NLGN4X: variants seen among roughly 807,000 people sequenced by gnomAD.
NLGN4X encodes neuroligin 4 X-linked, also known as neuroligin-4, X-linked.
A neutral mutation model predicts 40.3 loss-of-function variants in NLGN4X; 3 were observed. The observed-to-expected ratio is 0.07, with a 90% confidence interval of 0.03 to 0.19. The LOEUF is 0.19. NLGN4X is among the 10% of genes least tolerant of loss of function. NLGN4X has a pLI of 1.00. For missense variants in NLGN4X, 382 were observed against 708.3 expected (o/e 0.54, Z 5.23); for synonymous variants, 270 against 306.8 (o/e 0.88, Z 1.25).
chrX:6,167,083 A>T (rs2040514261), intron 1 of NLGN4X, among the ~76,000 whole-genome samples: 1 of 106,922 alleles, frequency 9.4e-6, no homozygotes, highest in Non-Finnish European at 1.9e-5. Context: ...AAAAAAAAAA[A>T]AAAAAAAAGA....
chrX:6,102,100 G>A (rs751713704), intron 2 of NLGN4X, among the ~76,000 whole-genome samples: 11 of 111,372 alleles, frequency 9.9e-5, no homozygotes, highest in South Asian at 7.6e-4. Flanking sequence ...GTGAGCCACC[G>A]TGCCTGGCCT....
At chrX:6,000,621 T>C (rs1480145352) in intron 3 of NLGN4X, among the ~76,000 whole-genome samples, 1 of 111,422 alleles carries the variant, frequency 9.0e-6, no homozygotes, top group East Asian at 2.8e-4. Flanking sequence ...GTCTCTTTGG[T>C]AAAACATAGC....
intron 2 of NLGN4X, among the ~76,000 whole-genome samples, chrX:6,040,461 T>C (rs2037126583): frequency 2.8e-5 from 1 of 35,310 alleles, no homozygotes. Flanking sequence ...ATTTTCTCTA[T>C]AATTTCTGCT....
Position 5,903,637 on chromosome X carries a change from G to A in NLGN4X, c.1041C>T (p.Asp347=), listed in dbSNP as rs747986438. The A allele has an allele frequency of 3.3e-6, 4 of 1,209,574 alleles. No individual in the cohort carries two copies. Among genetic ancestry groups the A allele is most frequent in the African/African-American group, 1.8e-5 (1 of 56,956 alleles). The change falls in exon 5 of 6, where the codon GAC becomes GAT. Residue 347 remains aspartate, a synonymous_variant. Coordinates refer to ENST00000381095, the MANE Select transcript of NLGN4X (RefSeq NM_181332.3). The stretch of plus-strand genomic sequence containing the variant: ...GGATCTGGGGGTCGTCTGGGATGAC[G>A]TCGCCGTCGATCACCGGCCCGAAGG... ...HIAFGPVIDG[D]VIPDDPQILM...
intron 5 of NLGN4X, among the ~76,000 whole-genome samples, chrX:5,900,231 C>G (rs1301283937): frequency 8.9e-6 from 1 of 112,143 alleles, no homozygotes; most frequent in African/African-American, 3.2e-5. Context: ...GCAGATATGA[C>G]TATTTATGTT....
chrX:6,085,552 T>C (rs1389940341), intron 2 of NLGN4X, among the ~76,000 whole-genome samples: 1 of 111,980 alleles, frequency 8.9e-6, no homozygotes, highest in East Asian at 2.8e-4. Context: ...ACATCCGCAT[T>C]AAGAGATGGA....
At chrX:5,915,329 T>C (rs977368222) in intron 3 of NLGN4X, among the ~76,000 whole-genome samples, 1 of 112,074 alleles carries the variant, frequency 8.9e-6, no homozygotes, top group East Asian at 2.8e-4. Flanking sequence ...TTAAGCTGCA[T>C]AGGTATTTTT....
intron 1 of NLGN4X, among the ~76,000 whole-genome samples, chrX:6,208,642 A>G (rs1458742360): frequency 1.8e-5 from 2 of 112,159 alleles, no homozygotes; most frequent in Non-Finnish European, 3.8e-5. Context: ...TCATTTCATA[A>G]CAGAGCTTTT....
chrX:5,904,839 C>T (rs754527790), intron 4 of NLGN4X, among the ~76,000 whole-genome samples: 1 of 111,727 alleles, frequency 9.0e-6, no homozygotes, highest in Non-Finnish European at 1.9e-5. Context: ...AGTTCATGCC[C>T]TGTCGATTTT....
intron 3 of NLGN4X, among the ~76,000 whole-genome samples, chrX:5,919,057 GAATT>G (rs2032924701): frequency 2.7e-5 from 3 of 112,207 alleles, no homozygotes; most frequent in Non-Finnish European, 5.6e-5. Flanking sequence ...TTCTCTCTGA[GAATT>G]AATTAAACAA....
Position 6,045,058 on chromosome X carries a change from T to C in NLGN4X, c.473-15626A>G, listed in dbSNP as rs149835538. 6.2e-3 allele frequency among the ~76,000 whole-genome samples: 693 copies of C among 112,037 alleles called. 3 individuals carry two copies. The highest frequency in any genetic ancestry group is 0.021 in the African/African-American group (660 of 30,847). On this transcript the variant is annotated intron_variant, in intron 2 of 5. Coordinates refer to ENST00000381095, the MANE Select transcript of NLGN4X (RefSeq NM_181332.3). ...AAAGAATTAAAATCCAGACCACTCA[T>C]AAGGAAAAATACAGAAACAGATGTA...
chrX:6,172,149 T>C (rs2040619895), intron 1 of NLGN4X, among the ~76,000 whole-genome samples: 1 of 111,836 alleles, frequency 8.9e-6, no homozygotes, highest in African/African-American at 3.3e-5. Context: ...TATTTCTTTA[T>C]ATCAATGCAA....
At position 6,011,706 on chromosome X, in the gene NLGN4X, T is replaced by C. The variant is rs1029423162; in HGVS notation, c.625+17574A>G. ...GGCAGCATCTGTGAATCAGACACCATTAACACCATCTTCTGGAGAACACCT... is the reference window on the plus strand; with the variant it reads ...GGCAGCATCTGTGAATCAGACACCACTAACACCATCTTCTGGAGAACACCT... On this transcript the variant is annotated intron_variant, in intron 3 of 5. Transcript: ENST00000381095. Among the ~76,000 whole-genome samples, 12 of 111,317 alleles carry C rather than the reference T, an allele frequency of 1.1e-4. No homozygotes were observed. The Admixed American group carries it at 1.2e-3, about 11-fold the overall frequency.
At chrX:6,128,467 T>C (rs2147610191) in intron 2 of NLGN4X, among the ~76,000 whole-genome samples, 1 of 112,356 alleles carries the variant, frequency 8.9e-6, no homozygotes, top group East Asian at 2.8e-4. Context: ...TATCCTGTAA[T>C]GCCATTTTAA....
chrX:5,969,620 T>C (rs1372814517), intron 3 of NLGN4X, among the ~76,000 whole-genome samples: 1 of 111,259 alleles, frequency 9.0e-6, no homozygotes, highest in Non-Finnish European at 1.9e-5. Context: ...GTGTGGCGAT[T>C]TCTCAGGGAT....
At chrX:6,156,196 CCA>C (rs1342549686) in intron 1 of NLGN4X, among the ~76,000 whole-genome samples, 4 of 112,217 alleles carry the variant, frequency 3.6e-5, no homozygotes, top group African/African-American at 1.3e-4. Flanking sequence ...TGCGTATATA[CCA>C]CGGAATACTA....
chrX:6,036,608 G>GCACACACACACACA (rs202140186), intron 2 of NLGN4X, among the ~76,000 whole-genome samples: 1 of 75,640 alleles, frequency 1.3e-5, no homozygotes, highest in African/African-American at 4.7e-5. Flanking sequence ...CTTGTGGCTG[G>GCACACACACACACA]CGCACACACA....
intron 3 of NLGN4X, among the ~76,000 whole-genome samples, chrX:5,937,849 G>A (rs778751024): frequency 1.8e-5 from 2 of 111,969 alleles, no homozygotes; most frequent in African/African-American, 6.5e-5. Context: ...CAGAGATTAT[G>A]GATGAAAGTT....
intron 2 of NLGN4X, among the ~76,000 whole-genome samples, chrX:6,106,653 CTTCT>C (rs2055383654): frequency 8.9e-6 from 1 of 112,129 alleles, no homozygotes; most frequent in South Asian, 3.7e-4. Context: ...TTCCCATCAG[CTTCT>C]TTCACTTAGT....
Sources: gnomAD v4.1 joint callset for allele counts (sites outside exome capture counted in the v4.1 genomes callset) on GRCh38, gnomAD v4.1.1 for gene constraint, MANE v1.5 for transcripts, NCBI Gene and HGNC (gene_info 2026-07-23, HGNC 2026-07-21) for gene names.